The following NCAM2 variants were observed in gnomAD, a reference collection of about 807,000 sequenced individuals.
NCAM2 encodes N-CAM-2.
A neutral mutation model predicts 98.1 loss-of-function variants in NCAM2; 30 were observed. That is an observed-to-expected ratio of 0.31 (90% confidence interval 0.23 to 0.41). The LOEUF (loss-of-function observed/expected upper bound fraction) is 0.41. NCAM2 is among the 10% of genes least tolerant of loss of function. NCAM2 has a pLI of 1.00. For synonymous variants in NCAM2, 368 were observed against 342.4 expected (o/e 1.07, Z -0.83); for missense variants, 867 against 1,005.8 (o/e 0.86, Z 1.87).
chr21:21,543,049 T>C lies in NCAM2; in HGVS notation c.*5092T>C, dbSNP rs1261755810. 3 of 151,910 alleles carry C rather than the reference T, an allele frequency of 2.0e-5. No homozygotes were observed. Among genetic ancestry groups the C allele is most frequent in the Non-Finnish European group, 4.4e-5 (3 of 67,884 alleles). The allele number at this position is 151,910 out of a possible 1,614,324, so 9.4% of individuals were successfully genotyped here. A position where few individuals can be genotyped will look rare whatever the true frequency, so the allele number is the denominator to read the frequency against. ...CTTTTTTGGTATGTGAACTGTATGC[T>C]GTGCTCAGTATGTACTGAAACATAC... On this transcript the variant is annotated 3_prime_UTR_variant, in exon 18 of 18. Transcript: ENST00000400546.
chr21:21,338,308 C>A, intron 7 of NCAM2, 81 bp from the exon 8 acceptor site: 1 of 1,311,576 alleles, frequency 7.6e-7, no homozygotes, highest in Admixed American at 1.9e-5. Context: ...CTATAGTAGA[C>A]TTAAACACCC....
chr21:21,104,919 G>A (rs186243916), intron 1 of NCAM2, among the ~76,000 whole-genome samples: 81 of 152,216 alleles, frequency 5.3e-4, no homozygotes, highest in African/African-American at 1.9e-3. Flanking sequence ...GTTGGGAGCA[G>A]CCCAGTGGGG....
chr21:21,475,318 C>T (rs1468524473), intron 14 of NCAM2, among the ~76,000 whole-genome samples: 1 of 152,106 alleles, frequency 6.6e-6, no homozygotes, highest in Non-Finnish European at 1.5e-5. Flanking sequence ...TATGTGCCTC[C>T]ATTCCACCTT....
intron 1 of NCAM2, among the ~76,000 whole-genome samples, chr21:21,255,148 G>A (rs2071621770): frequency 6.6e-6 from 1 of 152,052 alleles, no homozygotes; most frequent in South Asian, 2.1e-4. Flanking sequence ...TTGAAGGTTG[G>A]GATCGTAGTA....
At chr21:21,172,101 T>G (rs901258919) in intron 1 of NCAM2, among the ~76,000 whole-genome samples, 2 of 152,152 alleles carry the variant, frequency 1.3e-5, no homozygotes, top group African/African-American at 4.8e-5. Context: ...AGATCGTATT[T>G]TTTTTTCCTT....
At chr21:21,297,723 A>C (rs764107466) in intron 5 of NCAM2, among the ~76,000 whole-genome samples, 5 of 108,882 alleles carry the variant, frequency 4.6e-5, no homozygotes, top group Non-Finnish European at 9.0e-5. Flanking sequence ...AATAATACAC[A>C]CTGTACTACT....
At chr21:21,285,916 G>C (rs566436097) in intron 3 of NCAM2, among the ~76,000 whole-genome samples, 1 of 151,850 alleles carries the variant, frequency 6.6e-6, no homozygotes, top group Non-Finnish European at 1.5e-5. Flanking sequence ...AATTGAAGGC[G>C]GTGCAAATGC....
chr21:21,486,326 A>C (rs987633900), intron 15 of NCAM2, among the ~76,000 whole-genome samples: 3 of 151,058 alleles, frequency 2.0e-5, no homozygotes, highest in Admixed American at 6.6e-5. Flanking sequence ...AAAAAAAAAA[A>C]AACTTCTGCT....
intron 1 of NCAM2, among the ~76,000 whole-genome samples, chr21:21,174,154 A>G (rs68052021): frequency 0.49 from 74,122 of 151,910 alleles, 18,617 homozygotes; most frequent in South Asian, 0.61. Flanking sequence ...TACTAACCTC[A>G]GATCGTGATC....
chr21:21,249,511 A>G (rs1322032644), intron 1 of NCAM2, among the ~76,000 whole-genome samples: 4 of 152,036 alleles, frequency 2.6e-5, no homozygotes, highest in African/African-American at 7.2e-5. Flanking sequence ...ATCTTTTCAC[A>G]TTTCTGAAAT....
chr21:21,159,990 C>G (rs7282115), intron 1 of NCAM2, among the ~76,000 whole-genome samples: 1 of 151,814 alleles, frequency 6.6e-6, no homozygotes, highest in African/African-American at 2.4e-5. Flanking sequence ...GCCTGAGATA[C>G]GGAAGACCTG....
chr21:21,220,344 C>T (rs2070094110), intron 1 of NCAM2, among the ~76,000 whole-genome samples: 1 of 151,934 alleles, frequency 6.6e-6, no homozygotes, highest in African/African-American at 2.4e-5. Flanking sequence ...GTATCTGTTC[C>T]ATGTTTAGAT....
intron 1 of NCAM2, among the ~76,000 whole-genome samples, chr21:21,109,550 A>T (rs921262324): frequency 2.0e-5 from 3 of 152,256 alleles, no homozygotes; most frequent in Non-Finnish European, 4.4e-5. Flanking sequence ...TCATTCAATT[A>T]TTAATGAAAT....
intron 12 of NCAM2, among the ~76,000 whole-genome samples, chr21:21,459,544 A>G (rs1212137821): frequency 6.7e-6 from 1 of 148,352 alleles, no homozygotes; most frequent in Non-Finnish European, 1.5e-5. Flanking sequence ...TTGTTTATAT[A>G]TTAGAATATA....
At chr21:21,052,531 T>G (rs1278802601) in intron 1 of NCAM2, among the ~76,000 whole-genome samples, 1 of 151,652 alleles carries the variant, frequency 6.6e-6, no homozygotes, top group Non-Finnish European at 1.5e-5. Flanking sequence ...ATTCCCCAAA[T>G]CTTAGGCTGG....
At chr21:21,524,507 A>G (rs73896953) in intron 16 of NCAM2, among the ~76,000 whole-genome samples, 5,165 of 151,488 alleles carry the variant, frequency 0.034, 338 homozygotes, top group East Asian at 0.31. Context: ...TCCAGCCTAT[A>G]CAACAAGAGC....
chr21:21,316,533 C>CTTTTTTTTTTT (rs34341259), intron 5 of NCAM2, among the ~76,000 whole-genome samples: 18 of 110,896 alleles, frequency 1.6e-4, no homozygotes, highest in South Asian at 2.9e-4. Flanking sequence ...ATCTTTTATT[C>CTTTTTTTTTTT]TTTTTTTTTT....
chr21:21,178,602 T>C (rs568393224), intron 1 of NCAM2, among the ~76,000 whole-genome samples: 1 of 152,106 alleles, frequency 6.6e-6, no homozygotes, highest in Admixed American at 6.6e-5. Context: ...AAGAGATGAA[T>C]TAGACATGCT....
chr21:21,522,520 T>C (rs1989078277), intron 16 of NCAM2, among the ~76,000 whole-genome samples: 1 of 151,564 alleles, frequency 6.6e-6, no homozygotes, highest in South Asian at 2.1e-4. Context: ...CCTTCACATG[T>C]GCAGCAGAAA....
Sources: gnomAD v4.1 joint callset for allele counts (sites outside exome capture counted in the v4.1 genomes callset) on GRCh38, gnomAD v4.1.1 for gene constraint, MANE v1.5 for transcripts, NCBI Gene and HGNC (gene_info 2026-07-23, HGNC 2026-07-21) for gene names.